PLCG2: variants seen among roughly 807,000 people sequenced by gnomAD.
PLCG2 encodes phospholipase C gamma 2, also known as 1-phosphatidylinositol 4,5-bisphosphate phosphodiesterase gamma-2.
PLCG2 carries 69 observed loss-of-function variants against 175.6 expected under a neutral mutation model. The ratio of observed to expected loss-of-function variants is 0.39; its 90% CI spans 0.32 to 0.48. The LOEUF is 0.48. Among genes scored for constraint, PLCG2 ranks in the 20% least tolerant of loss-of-function variants. The pLI, the probability that PLCG2 is intolerant of heterozygous loss-of-function variation, is 0.91. For synonymous variants in PLCG2, 827 were observed against 624.0 expected (o/e 1.33, Z -4.85); for missense variants, 1,798 against 1,650.9 (o/e 1.09, Z -1.54).
At chr16:81,944,101 A>G (rs1056039943) in intron 30 of PLCG2, among the ~76,000 whole-genome samples, 15 of 152,252 alleles carry the variant, frequency 9.9e-5, no homozygotes, top group African/African-American at 3.6e-4. Flanking sequence ...AAAATTGTGT[A>G]TCAGAAGAGG....
At chr16:81,858,540 G>A (rs997870069) in intron 4 of PLCG2, among the ~76,000 whole-genome samples, 184 bp downstream of exon 4, 2 of 152,146 alleles carry the variant, frequency 1.3e-5, no homozygotes, top group Non-Finnish European at 2.9e-5. Context: ...TCAAATAAGA[G>A]CATTTCCCTG....
At position 81,863,076 on chromosome 16, in the gene PLCG2, G is replaced by A. The variant is rs879562531; in HGVS notation, c.479+3913G>A. Among the ~76,000 whole-genome samples the A allele has an allele frequency of 1.3e-4, 20 of 152,220 alleles. No individual in the cohort carries two copies. In the South Asian group the frequency reaches 2.9e-3, roughly 22 times the overall value. On this transcript the variant is annotated intron_variant, in intron 5 of 32. Transcript: ENST00000564138. Reference sequence around the variant, plus strand: ...TAGAACAACATTGATCATTTTAACCGTTCTTAGATATGTACTTCTGTGGGA... The same window carrying A: ...TAGAACAACATTGATCATTTTAACCATTCTTAGATATGTACTTCTGTGGGA...
chr16:81,746,522 C>A (rs985589442), intron 1 of PLCG2, among the ~76,000 whole-genome samples: 2 of 152,196 alleles, frequency 1.3e-5, no homozygotes, highest in Non-Finnish European at 2.9e-5. Context: ...GGGGCTCTCA[C>A]CCCAGCGCCG....
chr16:81,901,866 A>G (rs761515713), intron 14 of PLCG2, among the ~76,000 whole-genome samples: 10 of 152,264 alleles, frequency 6.6e-5, no homozygotes, highest in Non-Finnish European at 1.5e-4. Context: ...TTAATATCTT[A>G]ATCATGTTTC....
At chr16:81,928,176 T>C (rs567477899) in intron 23 of PLCG2, among the ~76,000 whole-genome samples, 27 of 152,204 alleles carry the variant, frequency 1.8e-4, no homozygotes, top group African/African-American at 6.3e-4. Flanking sequence ...CCACAGGACA[T>C]GGGGAGCCAC....
intron 12 of PLCG2, among the ~76,000 whole-genome samples, 163 bp downstream of exon 12, chr16:81,893,957 C>CT (rs1567520283): frequency 7.0e-6 from 1 of 142,010 alleles, no homozygotes. Context: ...TTTCTTTTTT[C>CT]TTTCTTTTTT....
intron 13 of PLCG2, chr16:81,897,860 A>G (rs1386085097): frequency 2.2e-6 from 1 of 455,800 alleles, no homozygotes; most frequent in Admixed American, 2.4e-5. Context: ...GGTTATTTTT[A>G]TTGCATTTAC....
intron 1 of PLCG2, chr16:81,740,723 T>A (rs1194846136): frequency 2.3e-4 from 3 of 12,864 alleles, no homozygotes; most frequent in Non-Finnish European, 4.2e-4. Flanking sequence ...AGACTCCATC[T>A]CAAAAAAAAA....
chr16:81,803,971 G>A (rs1020910535), intron 2 of PLCG2, among the ~76,000 whole-genome samples: 8 of 152,198 alleles, frequency 5.3e-5, no homozygotes, highest in Non-Finnish European at 8.8e-5. Context: ...ATGAGCCACC[G>A]TGCCTGGACT....
intron 15 of PLCG2, among the ~76,000 whole-genome samples, chr16:81,905,751 C>T (rs1243307809): frequency 6.6e-6 from 1 of 152,164 alleles, no homozygotes; most frequent in Non-Finnish European, 1.5e-5. Flanking sequence ...CTTGACCTCC[C>T]AGGCTCAAGT....
At chr16:81,881,964 T>C (rs1485125247) in intron 8 of PLCG2, among the ~76,000 whole-genome samples, 1 of 152,206 alleles carries the variant, frequency 6.6e-6, no homozygotes, top group African/African-American at 2.4e-5. Flanking sequence ...AATTTCTATG[T>C]AGTATTTTAA....
At chr16:81,770,213 C>T (rs989559924) in intron 2 of PLCG2, among the ~76,000 whole-genome samples, 4 of 152,160 alleles carry the variant, frequency 2.6e-5, no homozygotes, top group Non-Finnish European at 5.9e-5. Flanking sequence ...ACACCCCAAC[C>T]GAGAAACCAG....
At chr16:81,890,232 C>T (rs1343044217) in intron 10 of PLCG2, among the ~76,000 whole-genome samples, 1 of 152,182 alleles carries the variant, frequency 6.6e-6, no homozygotes, top group East Asian at 1.9e-4. Flanking sequence ...TTAGTCTCCA[C>T]CTTAGCAGAA....
upstream of PLCG2, among the ~76,000 whole-genome samples, chr16:81,775,735 AT>A (rs1172094340): frequency 4.5e-4 from 69 of 151,952 alleles, no homozygotes; most frequent in Non-Finnish European, 7.1e-4. Flanking sequence ...TTAAAATGTA[AT>A]TTTCTTTCAG....
chr16:81,834,386 G>A (rs1411493721), intron 2 of PLCG2, among the ~76,000 whole-genome samples: 3 of 152,166 alleles, frequency 2.0e-5, no homozygotes, highest in South Asian at 2.1e-4. Context: ...CCCAGGAGCC[G>A]GCGCGGGTGG....
chr16:81,793,132 A>G (rs1911313495), intron 2 of PLCG2, among the ~76,000 whole-genome samples: 1 of 152,224 alleles, frequency 6.6e-6, no homozygotes, highest in South Asian at 2.1e-4. Flanking sequence ...CTGAAGCACA[A>G]CACCTCACTT....
chr16:81,777,056 A>G (rs2143123363), upstream of PLCG2, among the ~76,000 whole-genome samples: 1 of 152,342 alleles, frequency 6.6e-6, no homozygotes, highest in East Asian at 1.9e-4. Flanking sequence ...ATTTACGATG[A>G]CCATTATCTC....
intron 2 of PLCG2, among the ~76,000 whole-genome samples, chr16:81,826,264 T>G (rs1216638152): frequency 1.3e-5 from 2 of 152,172 alleles, no homozygotes; most frequent in Non-Finnish European, 2.9e-5. Context: ...TTTGGAGATG[T>G]GCTTCCCTCT....
chr16:81,862,961 C>T (rs1031496573), intron 5 of PLCG2, among the ~76,000 whole-genome samples: 1 of 151,998 alleles, frequency 6.6e-6, no homozygotes, highest in East Asian at 1.9e-4. Flanking sequence ...AGAAATCTTC[C>T]CTTCCCCACC....
Sources: gnomAD v4.1 joint callset for allele counts (sites outside exome capture counted in the v4.1 genomes callset) on GRCh38, gnomAD v4.1.1 for gene constraint, MANE v1.5 for transcripts, NCBI Gene and HGNC (gene_info 2026-07-23, HGNC 2026-07-21) for gene names.